FBXL17: variants seen among roughly 807,000 people sequenced by gnomAD.
FBXL17 encodes the protein F-box and leucine rich repeat protein 17.
Under a neutral mutation model 66.2 loss-of-function variants are expected in FBXL17, and 22 were observed. The ratio of observed to expected loss-of-function variants is 0.33; its 90% confidence interval spans 0.24 to 0.47. The LOEUF (loss-of-function observed/expected upper bound fraction) is 0.47. Among genes scored for constraint, FBXL17 ranks in the 20% least tolerant of loss-of-function variants. The pLI, the probability that FBXL17 is intolerant of heterozygous loss-of-function variation, is 1.00. For synonymous variants in FBXL17, 474 were observed against 400.5 expected (o/e 1.18, Z -2.19); for missense variants, 878 against 948.2 (o/e 0.93, Z 0.97).
At chr5:108,286,399 A>G (rs1220299673) in intron 4 of FBXL17, among the ~76,000 whole-genome samples, 3 of 151,878 alleles carry the variant, frequency 2.0e-5, no homozygotes, top group African/African-American at 7.2e-5. Flanking sequence ...ACCCTGTAGC[A>G]TCTGCCCAAA....
chr5:108,052,781 A>G (rs1401300881), intron 6 of FBXL17, among the ~76,000 whole-genome samples: 2 of 152,222 alleles, frequency 1.3e-5, no homozygotes, highest in African/African-American at 4.8e-5. Context: ...GCATCATGCT[A>G]CCTGAATTCA....
In FBXL17 at chr5:108,381,703, C is replaced by G. The variant is rs1481076927; in HGVS notation, c.-12G>C. Reference sequence around the variant, plus strand: ...AGAAGGTGGCCCATATAGAAGGCCCCGAGGAGGGGGACCGGGACGGGAGGG... The same window carrying G: ...AGAAGGTGGCCCATATAGAAGGCCCGGAGGAGGGGGACCGGGACGGGAGGG... On this transcript the variant is annotated 5_prime_UTR_variant, in exon 1 of 9. Transcript: ENST00000542267. The G allele has an allele frequency of 2.1e-6, 3 of 1,445,796 alleles. No individual in the cohort carries two copies. Among genetic ancestry groups the G allele is most frequent in the Non-Finnish European group, 2.7e-6 (3 of 1,104,832 alleles). 89.6% of individuals were successfully genotyped at this position (1,445,796 alleles called of 1,614,324 possible). A position where few individuals can be genotyped will look rare whatever the true frequency, so the allele number is the denominator to read the frequency against.
At chr5:107,963,168 A>G (rs1751984156) in intron 7 of FBXL17, among the ~76,000 whole-genome samples, 1 of 152,144 alleles carries the variant, frequency 6.6e-6, no homozygotes, top group Non-Finnish European at 1.5e-5. Context: ...GAAGAACTTT[A>G]CCAGACAGAG....
intron 6 of FBXL17, among the ~76,000 whole-genome samples, chr5:108,081,254 A>G (rs182071099): frequency 1.2e-4 from 19 of 152,290 alleles, no homozygotes; most frequent in South Asian, 4.1e-4. Flanking sequence ...CCTCCTTCCC[A>G]TAACAGCCTG....
intron 5 of FBXL17, among the ~76,000 whole-genome samples, chr5:108,189,461 G>A (rs1753378036): frequency 6.6e-6 from 1 of 152,078 alleles, no homozygotes; most frequent in South Asian, 2.1e-4. Context: ...AAGCAGCTAT[G>A]CAGAGCAAAG....
At chr5:108,306,850 TA>T (rs984370639) in intron 4 of FBXL17, among the ~76,000 whole-genome samples, 1 of 151,984 alleles carries the variant, frequency 6.6e-6, no homozygotes, top group Non-Finnish European at 1.5e-5. Context: ...GTGAGCACAT[TA>T]AAAAAAGTCC....
intron 4 of FBXL17, among the ~76,000 whole-genome samples, chr5:108,273,209 G>C (rs559886646): frequency 6.6e-6 from 1 of 152,200 alleles, no homozygotes; most frequent in Non-Finnish European, 1.5e-5. Flanking sequence ...GGACCGAGGC[G>C]GGATAGCATT....
At chr5:108,052,251 A>C (rs1747514733) in intron 6 of FBXL17, among the ~76,000 whole-genome samples, 1 of 152,204 alleles carries the variant, frequency 6.6e-6, no homozygotes, top group Non-Finnish European at 1.5e-5. Context: ...CAAATAGGAA[A>C]AGCGGAAGAT....
In FBXL17 at chr5:107,909,105, A is replaced by G. The variant is rs76475758; in HGVS notation, c.1823-27926T>C. Among the ~76,000 whole-genome samples the G allele has an allele frequency of 5.4e-3, 829 of 152,306 alleles. 9 individuals are homozygous for G. The highest frequency in any genetic ancestry group is 0.01 in the Middle Eastern group (3 of 294). ...CAACCTATATTGAGATTCTGGGTAA[A>G]AAATGAACAAAATTAAATGAATTCT... On this transcript the variant is annotated intron_variant, in intron 7 of 8. Transcript: ENST00000542267.
At chr5:108,243,701 C>G (rs180683799) in intron 4 of FBXL17, among the ~76,000 whole-genome samples, 298 of 152,094 alleles carry the variant, frequency 2.0e-3, no homozygotes, top group Non-Finnish European at 2.9e-3. Context: ...TTAACAGATA[C>G]GGTTAAAGAC....
chr5:108,267,183 T>C (rs1358635093), intron 4 of FBXL17, among the ~76,000 whole-genome samples: 1 of 152,022 alleles, frequency 6.6e-6, no homozygotes, highest in Non-Finnish European at 1.5e-5. Context: ...TTAAAAAATC[T>C]AGTTGGCAAT....
At chr5:108,288,865 T>A (rs186064983) in intron 4 of FBXL17, among the ~76,000 whole-genome samples, 1 of 152,226 alleles carries the variant, frequency 6.6e-6, no homozygotes, top group East Asian at 1.9e-4. Context: ...TTAAACTATG[T>A]ACACTTACTA....
intron 4 of FBXL17, among the ~76,000 whole-genome samples, chr5:108,326,318 C>T (rs1759849628): frequency 1.3e-5 from 2 of 151,882 alleles, no homozygotes; most frequent in Non-Finnish European, 2.9e-5. Context: ...TTTGGCTGGG[C>T]GCAGTGGCTC....
intron 6 of FBXL17, among the ~76,000 whole-genome samples, chr5:108,156,472 A>G (rs1360435425): frequency 1.3e-5 from 2 of 152,002 alleles, no homozygotes; most frequent in African/African-American, 4.8e-5. Context: ...TATCTTAGAC[A>G]TATTAAACCG....
intron 7 of FBXL17, among the ~76,000 whole-genome samples, chr5:107,882,316 G>T (rs1214666723): frequency 4.0e-5 from 6 of 151,656 alleles, no homozygotes; most frequent in Admixed American, 3.3e-4. Context: ...TCACAGAAGA[G>T]AATATTTGGC....
chr5:108,312,118 C>T (rs1210393470), intron 4 of FBXL17, among the ~76,000 whole-genome samples: 1 of 151,952 alleles, frequency 6.6e-6, no homozygotes, highest in East Asian at 1.9e-4. Context: ...TAAAAGGTGG[C>T]TAGGTCTCAT....
intron 7 of FBXL17, among the ~76,000 whole-genome samples, chr5:107,990,843 G>A (rs1753212062): frequency 6.6e-6 from 1 of 152,132 alleles, no homozygotes; most frequent in Non-Finnish European, 1.5e-5. Context: ...CTCAGAGACT[G>A]ACATCTTCTC....
chr5:107,941,325 C>T (rs1331547261), intron 7 of FBXL17, among the ~76,000 whole-genome samples: 1 of 152,166 alleles, frequency 6.6e-6, no homozygotes, highest in Non-Finnish European at 1.5e-5. Flanking sequence ...GCATCTTGGG[C>T]AACAATAGTT....
At chr5:107,980,664 A>ATATATATATTTTTTTTT in intron 7 of FBXL17, among the ~76,000 whole-genome samples, 1 of 62,106 alleles carries the variant, frequency 1.6e-5, no homozygotes, top group African/African-American at 1.0e-4. Context: ...ATATATATAT[A>ATATATATATTTTTTTTT]TTTTTTTTTT....
Sources: gnomAD v4.1 joint callset for allele counts (sites outside exome capture counted in the v4.1 genomes callset) on GRCh38, gnomAD v4.1.1 for gene constraint, MANE v1.5 for transcripts, NCBI Gene and HGNC (gene_info 2026-07-23, HGNC 2026-07-21) for gene names.